The following ENAH variants were observed in gnomAD, a reference collection of about 807,000 sequenced individuals.
The protein encoded by ENAH is ENAH actin regulator, also known as protein enabled homolog.
ENAH carries 23 observed loss-of-function variants against 78.7 expected under a neutral mutation model. The observed-to-expected ratio is 0.29, with a 90% confidence interval of 0.21 to 0.41. ENAH has a LOEUF of 0.41. ENAH is among the 10% of genes least tolerant of loss of function. The pLI, the probability that ENAH is intolerant of heterozygous loss-of-function variation, is 1.00. For synonymous variants in ENAH, 226 were observed against 241.0 expected, an observed-to-expected ratio of 0.94 and a Z score of 0.58; for missense variants, 544 against 691.0, an observed-to-expected ratio of 0.79 and a Z score of 2.39.
chr1:225,553,093 G>C (rs1485525878), intron 3 of ENAH, among the ~76,000 whole-genome samples: 1 of 152,112 alleles, frequency 6.6e-6, no homozygotes, highest in African/African-American at 2.4e-5. Context: ...AATTAGCTGG[G>C]TGTGGTGGTG....
At chr1:225,646,930 A>C (rs1226180715) in intron 1 of ENAH, among the ~76,000 whole-genome samples, 1 of 152,292 alleles carries the variant, frequency 6.6e-6, no homozygotes, top group African/African-American at 2.4e-5. Context: ...ACTGATAAGA[A>C]TCAAAACAAA....
chr1:225,608,826 A>AG (rs2096972064), intron 1 of ENAH, among the ~76,000 whole-genome samples: 1 of 150,492 alleles, frequency 6.6e-6, no homozygotes, highest in Non-Finnish European at 1.5e-5. Context: ...AAAAAAAAAA[A>AG]AAAAAAAAAA....
chr1:225,600,013 A>G (rs1467313301), intron 1 of ENAH, among the ~76,000 whole-genome samples: 1 of 152,076 alleles, frequency 6.6e-6, no homozygotes, highest in Non-Finnish European at 1.5e-5. Context: ...CCCATGTGAC[A>G]TGCCTACTCC....
At chr1:225,561,937 A>G (rs1393247005) in intron 2 of ENAH, among the ~76,000 whole-genome samples, 1 of 152,092 alleles carries the variant, frequency 6.6e-6, no homozygotes, top group African/African-American at 2.4e-5. Context: ...CAACAAACTG[A>G]TGATGCTTTT....
intron 1 of ENAH, among the ~76,000 whole-genome samples, chr1:225,571,754 T>G (rs544385048): frequency 1.3e-5 from 2 of 152,244 alleles, no homozygotes; most frequent in African/African-American, 4.8e-5. Flanking sequence ...GCTTATGTAA[T>G]GAAACTTCCA....
At chr1:225,626,899 C>G (rs1299386628) in intron 1 of ENAH, among the ~76,000 whole-genome samples, 5 of 152,160 alleles carry the variant, frequency 3.3e-5, no homozygotes, top group African/African-American at 4.8e-5. Context: ...CAATACAGTT[C>G]AAATCATTGT....
intron 1 of ENAH, among the ~76,000 whole-genome samples, chr1:225,626,626 G>A (rs879462382): frequency 6.6e-6 from 1 of 152,198 alleles, no homozygotes; most frequent in South Asian, 2.1e-4. Context: ...AAAACTGTGA[G>A]AAATAAATTT....
intron 4 of ENAH, among the ~76,000 whole-genome samples, chr1:225,522,435 T>G (rs1261615321): frequency 6.6e-6 from 1 of 152,214 alleles, no homozygotes; most frequent in Non-Finnish European, 1.5e-5. Flanking sequence ...GTTATTTATT[T>G]ATGAGTAGTT....
chr1:225,536,717 A>AT (rs754872453), intron 3 of ENAH, among the ~76,000 whole-genome samples: 12 of 152,020 alleles, frequency 7.9e-5, no homozygotes, highest in Non-Finnish European at 1.3e-4. Flanking sequence ...ATAAAAGAGA[A>AT]TTTTTCATCA....
chr1:225,623,775 G>A (rs187957484), intron 1 of ENAH, among the ~76,000 whole-genome samples: 1 of 152,056 alleles, frequency 6.6e-6, no homozygotes, highest in Non-Finnish European at 1.5e-5. Context: ...ATTTTTAGTA[G>A]AGATGTGGTT....
rs928281132 is a variant in ENAH at position 225,608,815 on chromosome 1, CAAAAAAAAAAAAAAAA to C, written c.6-41417_6-41402del. Among the ~76,000 whole-genome samples, 31 of 20,668 alleles carry C rather than the reference CAAAAAAAAAAAAAAAA, an allele frequency of 1.5e-3. 1 individual carries two copies. The highest frequency in any genetic ancestry group is 2.7e-3 in the Non-Finnish European group (29 of 10,568). The allele number at this position is 20,668 out of a possible 152,430, so 13.6% of individuals were successfully genotyped here. A position where few individuals can be genotyped will look rare whatever the true frequency, so the allele number is the denominator to read the frequency against. ...TGGGCGACAGAGCGAGACTCTGTCT[CAAAAAAAAAAAAAAAA>C]AAAAAAAAAAGGAGGGGGGTCTTGG... On this transcript the variant is annotated intron_variant, in intron 1 of 13. Transcript: ENST00000366843.
intron 3 of ENAH, among the ~76,000 whole-genome samples, chr1:225,532,092 A>G (rs1434561165): frequency 6.6e-6 from 1 of 152,136 alleles, no homozygotes; most frequent in African/African-American, 2.4e-5. Flanking sequence ...ATAAATGAAA[A>G]TACATGATTG....
intron 2 of ENAH, among the ~76,000 whole-genome samples, chr1:225,556,936 C>T (rs1368207723): frequency 1.3e-5 from 2 of 152,170 alleles, no homozygotes; most frequent in African/African-American, 2.4e-5. Flanking sequence ...CACTGTGCTG[C>T]AGGTTTGCCT....
At chr1:225,561,660 T>TAAAATAAAATAAAATAAAATAAAAA in intron 2 of ENAH, among the ~76,000 whole-genome samples, 1 of 151,766 alleles carries the variant, frequency 6.6e-6, no homozygotes, top group Admixed American at 6.6e-5. Context: ...TAAAATAAAA[T>TAAAATAAAATAAAATAAAATAAAAA]TAGTATGTTC....
chr1:225,541,450 A>C (rs1462763820), intron 3 of ENAH, among the ~76,000 whole-genome samples: 1 of 152,014 alleles, frequency 6.6e-6, no homozygotes, highest in South Asian at 2.1e-4. Context: ...CAAAAAAAAA[A>C]CCCAAAATGT....
At chr1:225,561,407 A>T (rs2151469557) in intron 2 of ENAH, among the ~76,000 whole-genome samples, 1 of 151,806 alleles carries the variant, frequency 6.6e-6, no homozygotes, top group South Asian at 2.1e-4. Context: ...GCAGATCATG[A>T]GGTCAGGAGA....
At chr1:225,570,796 T>TA (rs1310283543) in intron 1 of ENAH, among the ~76,000 whole-genome samples, 2 of 150,282 alleles carry the variant, frequency 1.3e-5, no homozygotes, top group African/African-American at 4.9e-5. Context: ...CTGTCTCTAC[T>TA]AAAAATGCAA....
intron 3 of ENAH, among the ~76,000 whole-genome samples, chr1:225,542,983 C>T (rs2096596882): frequency 6.6e-6 from 1 of 150,880 alleles, no homozygotes; most frequent in South Asian, 2.1e-4. Flanking sequence ...CGCACCACTG[C>T]ACTCCAGATT....
chr1:225,616,216 A>G (rs865978439), intron 1 of ENAH, among the ~76,000 whole-genome samples: 1 of 152,146 alleles, frequency 6.6e-6, no homozygotes, highest in Admixed American at 6.5e-5. Context: ...TCCTCTGCCT[A>G]GGAAAACCAG....
Sources: gnomAD v4.1 joint callset for allele counts (sites outside exome capture counted in the v4.1 genomes callset) on GRCh38, gnomAD v4.1.1 for gene constraint, MANE v1.5 for transcripts, NCBI Gene and HGNC (gene_info 2026-07-23, HGNC 2026-07-21) for gene names.